SEZ6: variants seen among roughly 807,000 people sequenced by gnomAD.
SEZ6 encodes seizure protein 6 homolog.
SEZ6 carries 53 observed loss-of-function variants against 101.0 expected under a neutral mutation model. That is an observed-to-expected ratio of 0.52 (90% CI 0.42 to 0.66). The LOEUF is 0.66. Among genes scored for constraint, SEZ6 ranks in the 30% least tolerant of loss-of-function variants. The pLI is 0.00. For missense variants in SEZ6, 1,102 were observed against 1,289.4 expected (o/e 0.85, Z 2.23); for synonymous variants, 488 against 512.2 (o/e 0.95, Z 0.64).
chr17:29,004,626 G>C (rs2041660406), intron 1 of SEZ6, among the ~76,000 whole-genome samples: 1 of 152,136 alleles, frequency 6.6e-6, no homozygotes, highest in South Asian at 2.1e-4. Flanking sequence ...CCTTGACCTC[G>C]GCAGCGGCCT....
intron 7 of SEZ6, chr17:28,960,274 C>T (rs942623946): frequency 1.6e-6 from 1 of 625,808 alleles, no homozygotes; most frequent in African/African-American, 1.8e-5. Context: ...AATTTATTCC[C>T]TTGGACCATA....
At chr17:28,997,455 G>A (rs547598718) in intron 1 of SEZ6, among the ~76,000 whole-genome samples, 1 of 152,328 alleles carries the variant, frequency 6.6e-6, no homozygotes, top group African/African-American at 2.4e-5. Flanking sequence ...AGAGCAGCAA[G>A]CCAGGGTGAA....
intron 1 of SEZ6, among the ~76,000 whole-genome samples, chr17:28,998,477 C>T (rs894742719): frequency 2.6e-5 from 4 of 151,996 alleles, no homozygotes; most frequent in African/African-American, 9.7e-5. Context: ...GATTCTGCAG[C>T]ACATGCGATT....
intron 4 of SEZ6, among the ~76,000 whole-genome samples, chr17:28,965,310 C>T (rs1283989310): frequency 6.6e-6 from 1 of 152,206 alleles, no homozygotes. Flanking sequence ...CGAGATCGTG[C>T]CATTGCGCTC....
At chr17:28,983,385 C>A (rs2041337002) in intron 1 of SEZ6, among the ~76,000 whole-genome samples, 1 of 152,134 alleles carries the variant, frequency 6.6e-6, no homozygotes, top group African/African-American at 2.4e-5. Context: ...TAATCCATGG[C>A]AGGCATTGCT....
rs2152684875 is a variant in SEZ6 at position 28,963,998 on chromosome 17, G to A, written c.1204C>T (p.Gln402Ter). Residue 402 changes from glutamine (Q) to a stop codon, truncating the protein, a stop_gained, in exon 5 of 17, where the codon CAG becomes TAG. Transcript: ENST00000317338. LOFTEE classifies it high-confidence loss of function. ...GGCTCCTTTGAATCCCAGAAGGGCT[G>A]GGTGGCATTGAGACAGGTGAGATGC... The part of the protein sequence containing the change: ...ARHLTCLNAT[Q>*]PFWDSKEPVC... 6.2e-7 allele frequency: 1 copy of A among 1,612,540 alleles called. No individual in the cohort carries two copies. The highest frequency in any genetic ancestry group is 8.5e-7 in the Non-Finnish European group (1 of 1,179,314).
chr17:28,960,718 T>A, intron 6 of SEZ6, 47 bp from the exon 7 acceptor site: 1 of 1,612,410 alleles, frequency 6.2e-7, no homozygotes, highest in Non-Finnish European at 8.5e-7. Flanking sequence ...CTGACCCAGA[T>A]GGGGTGTGGC....
intron 1 of SEZ6, among the ~76,000 whole-genome samples, chr17:29,000,122 G>A (rs902239281): frequency 3.9e-5 from 6 of 152,336 alleles, no homozygotes; most frequent in Admixed American, 3.3e-4. Context: ...TTCGTACAGC[G>A]CCTGGCACAT....
chr17:29,004,444 C>T (rs543544881), intron 1 of SEZ6, among the ~76,000 whole-genome samples: 92 of 152,304 alleles, frequency 6.0e-4, no homozygotes, highest in African/African-American at 1.8e-3. Context: ...AAGTTCTGGG[C>T]GCTGCCGGAG....
chr17:28,969,655 T>A, intron 4 of SEZ6, 102 bp downstream of exon 4: 1 of 1,139,456 alleles, frequency 8.8e-7, no homozygotes, highest in Non-Finnish European at 1.2e-6. Flanking sequence ...CTAGCCCCTC[T>A]CTGCTCCTTC....
At chr17:28,997,105 G>A (rs1346529512) in intron 1 of SEZ6, among the ~76,000 whole-genome samples, 1 of 152,146 alleles carries the variant, frequency 6.6e-6, no homozygotes, top group Non-Finnish European at 1.5e-5. Context: ...AGGCATGGGA[G>A]AGAAGTGATT....
intron 1 of SEZ6, among the ~76,000 whole-genome samples, chr17:28,983,082 G>A (rs2041333158): frequency 6.6e-6 from 1 of 152,200 alleles, no homozygotes; most frequent in African/African-American, 2.4e-5. Flanking sequence ...TATGAGTAGA[G>A]TGGGAAGAGC....
chr17:28,980,404 C>G (rs1424494201), intron 2 of SEZ6, among the ~76,000 whole-genome samples: 1 of 150,136 alleles, frequency 6.7e-6, no homozygotes, highest in East Asian at 2.0e-4. Context: ...GAGTCTCGCT[C>G]TGTCACCCAG....
At chr17:28,992,132 T>C (rs187300555) in intron 1 of SEZ6, among the ~76,000 whole-genome samples, 1 of 152,320 alleles carries the variant, frequency 6.6e-6, no homozygotes, top group East Asian at 1.9e-4. Context: ...GGGCTAGCCA[T>C]GCACTTCACA....
chr17:28,981,554 A>C lies in SEZ6; in HGVS notation c.541T>G (p.Trp181Gly). 6.2e-7 allele frequency: 1 copy of C among 1,612,686 alleles called. No individual in the cohort carries two copies. The highest frequency in any genetic ancestry group is 1.7e-5 in the Admixed American group (1 of 59,802). Reference sequence around the variant, plus strand: ...CCAGGACCCTCTTGGGTTGGTGTCCAGGCTCTGCTGGGGGGTGTAGTGCTG... The same window carrying C: ...CCAGGACCCTCTTGGGTTGGTGTCCCGGCTCTGCTGGGGGGTGTAGTGCTG... ...IASTTPPSRA[W>G]TPTQEGPGDM... is the part of the protein sequence containing the mutation. Residue 181 changes from tryptophan to glycine, a missense_variant, in exon 2 of 17, where the codon TGG becomes GGG. Transcript: ENST00000317338.
intron 1 of SEZ6, among the ~76,000 whole-genome samples, chr17:28,984,976 G>T (rs1353650503): frequency 6.6e-6 from 1 of 152,156 alleles, no homozygotes; most frequent in Non-Finnish European, 1.5e-5. Context: ...CCCAGACCTT[G>T]TATCATTTAA....
At chr17:28,967,769 G>T (rs1216086915) in intron 4 of SEZ6, among the ~76,000 whole-genome samples, 1 of 152,162 alleles carries the variant, frequency 6.6e-6, no homozygotes, top group Non-Finnish European at 1.5e-5. Flanking sequence ...GTGGAACTGG[G>T]CTGGAACTGT....
intron 4 of SEZ6, among the ~76,000 whole-genome samples, chr17:28,966,751 C>G (rs552684701): frequency 2.9e-4 from 43 of 148,494 alleles, no homozygotes; most frequent in East Asian, 1.7e-3. Context: ...TTTCTTCCCC[C>G]CCATTAAAAA....
At chr17:28,957,881 C>G in intron 11 of SEZ6, 66 bp downstream of exon 11, 1 of 1,540,178 alleles carries the variant, frequency 6.5e-7, no homozygotes, top group Non-Finnish European at 8.9e-7. Context: ...CAGTCTGGTT[C>G]AGAATCCAGG....
Sources: allele counts gnomAD v4.1 joint callset (sites outside exome capture counted in the v4.1 genomes callset), GRCh38; gene constraint gnomAD v4.1.1; transcripts MANE v1.5; gene names NCBI Gene and HGNC (gene_info 2026-07-23, HGNC 2026-07-21).